Variants in HTR4 observed in about 807,000 individuals in gnomAD.
The protein encoded by HTR4 is 5-hydroxytryptamine receptor 4, also known as 5-hydroxytryptamine (serotonin) receptor 4, G protein-coupled.
Under a neutral mutation model 36.8 loss-of-function variants are expected in HTR4, and 16 were observed. The ratio of observed to expected loss-of-function variants is 0.43; its 90% CI spans 0.29 to 0.66. The LOEUF (loss-of-function observed/expected upper bound fraction) is 0.66. Among genes scored for constraint, HTR4 ranks in the 30% least tolerant of loss-of-function variants. The probability of loss-of-function intolerance (pLI) is 0.13; values close to 1 mark genes in which losing one functional copy is unlikely to be tolerated. For synonymous variants in HTR4, 189 were observed against 185.1 expected, an observed-to-expected ratio of 1.02 and a Z score of -0.17; for missense variants, 438 against 490.9, an observed-to-expected ratio of 0.89 and a Z score of 1.02.
intron 5 of HTR4, among the ~76,000 whole-genome samples, chr5:148,518,194 G>A (rs1757850981): frequency 6.6e-6 from 1 of 151,810 alleles, no homozygotes; most frequent in Non-Finnish European, 1.5e-5. Flanking sequence ...CTTTTTCATA[G>A]TACTTACCAT....
At chr5:148,585,278 T>C (rs904922582) in intron 2 of HTR4, among the ~76,000 whole-genome samples, 9 of 152,226 alleles carry the variant, frequency 5.9e-5, no homozygotes, top group Non-Finnish European at 1.2e-4. Context: ...AGGGAATGTA[T>C]GCAGAATTGA....
chr5:148,604,034 A>G (rs190840864), intron 2 of HTR4, among the ~76,000 whole-genome samples: 1 of 152,252 alleles, frequency 6.6e-6, no homozygotes, highest in East Asian at 1.9e-4. Flanking sequence ...AATTCAAATG[A>G]ATCATAAATC....
intron 2 of HTR4, among the ~76,000 whole-genome samples, chr5:148,624,757 G>A (rs1041618785): frequency 2.0e-5 from 3 of 152,158 alleles, no homozygotes; most frequent in African/African-American, 7.2e-5. Context: ...GAGTGGAGAT[G>A]GGTAATGGTT....
At chr5:148,460,861 G>A (rs181042493) in intron 5 of HTR4, among the ~76,000 whole-genome samples, 3 of 152,166 alleles carry the variant, frequency 2.0e-5, no homozygotes, top group Non-Finnish European at 2.9e-5. Context: ...GTTACATCCT[G>A]ATAAATCCAT....
chr5:148,538,456 G>A (rs1758938138), intron 4 of HTR4, among the ~76,000 whole-genome samples: 1 of 152,098 alleles, frequency 6.6e-6, no homozygotes, highest in Non-Finnish European at 1.5e-5. Context: ...AAGATAACAT[G>A]ATTCTATATC....
chr5:148,499,922 C>A (rs913362064), intron 6 of HTR4, among the ~76,000 whole-genome samples: 3 of 152,084 alleles, frequency 2.0e-5, no homozygotes, highest in Non-Finnish European at 2.9e-5. Context: ...CATGTATGAA[C>A]CCCCCTTCAT....
Position 148,510,003 on chromosome 5 carries a change from G to A in HTR4, c.529C>T (p.Gln177Ter). 6.2e-7 allele frequency: 1 copy of A among 1,611,732 alleles called. No individual in the cohort carries two copies. Among genetic ancestry groups the A allele is most frequent in the Non-Finnish European group, 8.5e-7 (1 of 1,178,634 alleles). Residue 177 changes from glutamine to a stop codon, truncating the protein, a stop_gained, in exon 6 of 7, where the codon CAG becomes TAG. Transcript: ENST00000377888. LOFTEE classifies it high-confidence loss of function. Reference sequence around the variant, plus strand: ...ACACAGTACGTAGAGTTAGAGTTCTGGTTGAACTTCCTCTTTTCTATCTGA... The same window carrying A: ...ACACAGTACGTAGAGTTAGAGTTCTAGTTGAACTTCCTCTTTTCTATCTGA... Reference protein sequence around the residue: ...IDLIEKRKFNQNSNSTYCVFM... With the variant: ...IDLIEKRKFN
chr5:148,592,045 T>C (rs560895887), intron 2 of HTR4, among the ~76,000 whole-genome samples: 76 of 152,300 alleles, frequency 5.0e-4, no homozygotes, highest in African/African-American at 1.8e-3. Context: ...CATGGAATAC[T>C]GTGCAGCCAC....
At chr5:148,553,545 A>T (rs968333314) in intron 2 of HTR4, among the ~76,000 whole-genome samples, 1 of 152,208 alleles carries the variant, frequency 6.6e-6, no homozygotes, top group Non-Finnish European at 1.5e-5. Flanking sequence ...ACAGGGAGGC[A>T]AGATTTAGTA....
chr5:148,596,984 G>A (rs1761803442), intron 2 of HTR4, among the ~76,000 whole-genome samples: 1 of 152,152 alleles, frequency 6.6e-6, no homozygotes, highest in Non-Finnish European at 1.5e-5. Flanking sequence ...GAGGTAGAGT[G>A]AAAAGTGCTG....
chr5:148,636,003 A>G (rs557127156), intron 2 of HTR4, among the ~76,000 whole-genome samples: 2 of 152,306 alleles, frequency 1.3e-5, no homozygotes, highest in South Asian at 2.1e-4. Flanking sequence ...ATATATTACA[A>G]CAATGACAAA....
intron 2 of HTR4, among the ~76,000 whole-genome samples, chr5:148,556,869 T>C (rs1267033821): frequency 2.0e-5 from 3 of 152,026 alleles, no homozygotes; most frequent in Non-Finnish European, 2.9e-5. Context: ...TGTGAGGTGG[T>C]TGGGAAACAC....
chr5:148,493,543 GATAA>G (rs1446805453), intron 6 of HTR4, among the ~76,000 whole-genome samples: 2 of 151,996 alleles, frequency 1.3e-5, no homozygotes, highest in African/African-American at 4.8e-5. Context: ...ATGTATCAAC[GATAA>G]ATGAATGATA....
At chr5:148,650,887 G>A (rs780017525) in intron 1 of HTR4, among the ~76,000 whole-genome samples, 1 of 152,064 alleles carries the variant, frequency 6.6e-6, no homozygotes, top group Non-Finnish European at 1.5e-5. Context: ...TATACAACTG[G>A]GCTTGAGGAT....
At chr5:148,576,861 A>G (rs978112103) in intron 2 of HTR4, among the ~76,000 whole-genome samples, 1 of 152,144 alleles carries the variant, frequency 6.6e-6, no homozygotes, top group Non-Finnish European at 1.5e-5. Context: ...CAAAACTATA[A>G]CAAACATGGA....
At chr5:148,466,747 A>G (rs1307863846) in intron 5 of HTR4, among the ~76,000 whole-genome samples, 1 of 152,224 alleles carries the variant, frequency 6.6e-6, no homozygotes, top group African/African-American at 2.4e-5. Flanking sequence ...TTCCTGGTAT[A>G]ACATTTATAA....
chr5:148,532,977 T>C (rs552202096), intron 4 of HTR4, among the ~76,000 whole-genome samples: 13 of 152,316 alleles, frequency 8.5e-5, no homozygotes, highest in Admixed American at 8.5e-4. Flanking sequence ...AGGTTTTGAA[T>C]GTTAGGCTAG....
Position 148,592,737 on chromosome 5 carries a change from G to T in HTR4, c.27-42475C>A, listed in dbSNP as rs901204758. Among the ~76,000 whole-genome samples, 5 of 151,764 alleles carry T rather than the reference G, an allele frequency of 3.3e-5. No homozygotes were observed. The South Asian group carries it at 8.4e-4, about 25-fold the overall frequency. On this transcript the variant is annotated intron_variant, in intron 2 of 6. Transcript: ENST00000377888. The stretch of plus-strand genomic sequence containing the variant: ...TGCCTTTCCCCAATTCATCCTATTT[G>T]ATTTTTGTGTCTCATACGAAATATA...
chr5:148,512,984 T>C (rs1156769496), intron 5 of HTR4, among the ~76,000 whole-genome samples: 1 of 151,616 alleles, frequency 6.6e-6, no homozygotes, highest in Non-Finnish European at 1.5e-5. Context: ...AGTTAGCATA[T>C]CTTTATTGTG....
Sources: allele counts gnomAD v4.1 joint callset (sites outside exome capture counted in the v4.1 genomes callset), GRCh38; gene constraint gnomAD v4.1.1; transcripts MANE v1.5; gene names NCBI Gene and HGNC (gene_info 2026-07-23, HGNC 2026-07-21).